The following PCDH11X variants were observed in gnomAD, a reference collection of about 807,000 sequenced individuals.
PCDH11X encodes the protein protocadherin 11 X-linked.
PCDH11X carries 18 observed loss-of-function variants against 53.3 expected under a neutral mutation model. The ratio of observed to expected loss-of-function variants is 0.34; its 90% CI spans 0.23 to 0.50. The LOEUF is 0.50. PCDH11X is among the 20% of genes least tolerant of loss of function. The pLI is 0.98. For synonymous variants in PCDH11X, 279 were observed against 393.3 expected (o/e 0.71, Z 3.44); for missense variants, 570 against 1,032.4 (o/e 0.55, Z 6.14).
intron 6 of PCDH11X, among the ~76,000 whole-genome samples, chrX:92,079,552 A>G (rs1362580064): frequency 1.8e-5 from 2 of 111,110 alleles, no homozygotes; most frequent in African/African-American, 6.6e-5. Flanking sequence ...CTTAAAACTT[A>G]TGAAGGCCAT....
At chrX:92,259,665 A>C (rs1386768225) in intron 7 of PCDH11X, among the ~76,000 whole-genome samples, 1 of 111,353 alleles carries the variant, frequency 9.0e-6, no homozygotes, top group African/African-American at 3.3e-5. Flanking sequence ...TCCAAACCAT[A>C]TCACCTTTTA....
At chrX:92,596,871 A>G (rs1925670028) in intron 10 of PCDH11X, among the ~76,000 whole-genome samples, 1 of 109,836 alleles carries the variant, frequency 9.1e-6, no homozygotes, top group African/African-American at 3.3e-5. Context: ...CATGACCAAG[A>G]AGTCTTTATT....
At chrX:92,024,528 G>T (rs2148004348) in intron 6 of PCDH11X, among the ~76,000 whole-genome samples, 1 of 109,540 alleles carries the variant, frequency 9.1e-6, no homozygotes, top group African/African-American at 3.3e-5. Flanking sequence ...ACAAACAAAA[G>T]GAAAAACATT....
At chrX:92,482,424 A>G (rs1430099704) in intron 10 of PCDH11X, among the ~76,000 whole-genome samples, 2 of 110,039 alleles carry the variant, frequency 1.8e-5, no homozygotes, top group East Asian at 5.8e-4. Flanking sequence ...GAATTAGAAA[A>G]TACAGCTGTG....
chrX:92,435,896 C>T (rs1329375791), intron 9 of PCDH11X, among the ~76,000 whole-genome samples: 1 of 108,960 alleles, frequency 9.2e-6, no homozygotes, highest in Admixed American at 9.9e-5. Context: ...AGCATAATAA[C>T]CAGCTAATAA....
chrX:92,609,220 G>A (rs1927109314), intron 10 of PCDH11X, among the ~76,000 whole-genome samples: 1 of 111,393 alleles, frequency 9.0e-6, no homozygotes, highest in Non-Finnish European at 1.9e-5. Context: ...AAATTTCTAC[G>A]ATAACATACG....
chrX:92,481,823 G>T (rs556199879), intron 10 of PCDH11X, among the ~76,000 whole-genome samples: 1 of 107,298 alleles, frequency 9.3e-6, no homozygotes, highest in Non-Finnish European at 1.9e-5. Flanking sequence ...GCCAACGCAA[G>T]TGTCTGTGGT....
intron 9 of PCDH11X, among the ~76,000 whole-genome samples, chrX:92,433,068 T>C (rs931312497): frequency 9.0e-6 from 1 of 110,593 alleles, no homozygotes; most frequent in Non-Finnish European, 1.9e-5. Context: ...TACCTTAGTT[T>C]CTGCAATAGA....
At chrX:92,171,032 A>G (rs1281145867) in intron 6 of PCDH11X, among the ~76,000 whole-genome samples, 1 of 101,465 alleles carries the variant, frequency 9.9e-6, no homozygotes, top group Non-Finnish European at 2.0e-5. Flanking sequence ...CTGCTCTCAA[A>G]ACTTTTGGCC....
At chrX:92,596,160 C>T (rs1389677943) in intron 10 of PCDH11X, among the ~76,000 whole-genome samples, 1 of 112,207 alleles carries the variant, frequency 8.9e-6, no homozygotes, top group Non-Finnish European at 1.9e-5. Flanking sequence ...CACTTAAGTG[C>T]TGTATTAGAA....
intron 6 of PCDH11X, among the ~76,000 whole-genome samples, chrX:91,922,075 GT>G (rs1711857388): frequency 9.0e-6 from 1 of 110,863 alleles, no homozygotes; most frequent in African/African-American, 3.3e-5. Flanking sequence ...AATATAGTTA[GT>G]AGTTATGAAA....
intron 6 of PCDH11X, among the ~76,000 whole-genome samples, chrX:92,139,159 T>C (rs893671197): frequency 1.8e-5 from 2 of 109,254 alleles, no homozygotes; most frequent in African/African-American, 6.7e-5. Context: ...ATTTTTCTTT[T>C]CCTTTAGTAA....
At chrX:92,302,911 T>C (rs1050726996) in intron 8 of PCDH11X, among the ~76,000 whole-genome samples, 47 of 110,772 alleles carry the variant, frequency 4.2e-4, no homozygotes, top group Non-Finnish European at 7.4e-4. Flanking sequence ...GATATAGATA[T>C]TGACTAGCAG....
intron 6 of PCDH11X, among the ~76,000 whole-genome samples, chrX:92,120,155 C>CTTT (rs764997941): frequency 3.4e-3 from 205 of 60,304 alleles, no homozygotes; most frequent in Non-Finnish European, 4.6e-3. Flanking sequence ...ACTTTTCTTT[C>CTTT]TTTTTTTTTT....
At chrX:92,395,458 T>G (rs2071223101) in intron 9 of PCDH11X, among the ~76,000 whole-genome samples, 1 of 111,470 alleles carries the variant, frequency 9.0e-6, no homozygotes, top group Non-Finnish European at 1.9e-5. Flanking sequence ...TACAGAACTC[T>G]AGTCCGTTTA....
At chrX:92,195,985 C>T (rs1389426110) in intron 6 of PCDH11X, among the ~76,000 whole-genome samples, 1 of 111,768 alleles carries the variant, frequency 8.9e-6, no homozygotes, top group Non-Finnish European at 1.9e-5. Flanking sequence ...CTTGCCGCAA[C>T]TCTAAAAAAC....
intron 6 of PCDH11X, among the ~76,000 whole-genome samples, chrX:92,056,227 A>G (rs2063447092): frequency 1.8e-5 from 2 of 110,944 alleles, no homozygotes; most frequent in South Asian, 3.8e-4. Context: ...AAAAATAGGC[A>G]CTCTGGTGTG....
intron 6 of PCDH11X, among the ~76,000 whole-genome samples, chrX:92,034,832 C>T (rs1174538160): frequency 9.3e-6 from 1 of 107,616 alleles, no homozygotes; most frequent in Non-Finnish European, 1.9e-5. Flanking sequence ...TTTTCTTCAT[C>T]CTTCCTGTCT....
chrX:92,598,972 A>C (rs1228052989), intron 10 of PCDH11X, among the ~76,000 whole-genome samples: 3 of 110,461 alleles, frequency 2.7e-5, no homozygotes, highest in Non-Finnish European at 5.7e-5. Flanking sequence ...ATTATTTGTG[A>C]GATCTAAAAA....
Sources: allele counts gnomAD v4.1 joint callset (sites outside exome capture counted in the v4.1 genomes callset), GRCh38; gene constraint gnomAD v4.1.1; transcripts MANE v1.5; gene names NCBI Gene and HGNC (gene_info 2026-07-23, HGNC 2026-07-21).